The following INPP4B variants were observed in gnomAD, a reference collection of about 807,000 sequenced individuals.
The protein encoded by INPP4B is inositol polyphosphate 4-phosphatase type II.
A neutral mutation model predicts 122.5 loss-of-function variants in INPP4B; 55 were observed. The ratio of observed to expected loss-of-function variants is 0.45; its 90% CI spans 0.36 to 0.56. The LOEUF (loss-of-function observed/expected upper bound fraction) is 0.56. Ranked by LOEUF, INPP4B falls within the 20% of genes least tolerant of loss-of-function variation. The probability of loss-of-function intolerance (pLI) is 0.00; values close to 1 mark genes in which losing one functional copy is unlikely to be tolerated. For missense variants in INPP4B, 1,000 were observed against 1,097.7 expected (o/e 0.91, Z 1.26); for synonymous variants, 403 against 388.7 (o/e 1.04, Z -0.43).
chr4:142,029,303 C>CT, intron 25 of INPP4B: 1 of 985,762 alleles, frequency 1.0e-6, no homozygotes. Context: ...GATGCAGGTT[C>CT]TAGAAATAAG....
At chr4:142,627,870 T>C (rs1746868779) in intron 2 of INPP4B, among the ~76,000 whole-genome samples, 1 of 151,924 alleles carries the variant, frequency 6.6e-6, no homozygotes, top group Non-Finnish European at 1.5e-5. Flanking sequence ...CGGCTGTGAA[T>C]CCATCTGGTC....
At chr4:142,557,993 G>C (rs1729593582) in intron 2 of INPP4B, among the ~76,000 whole-genome samples, 1 of 152,184 alleles carries the variant, frequency 6.6e-6, no homozygotes, top group Non-Finnish European at 1.5e-5. Context: ...CTCACTCCTA[G>C]TTCTATATCT....
At chr4:142,292,109 C>T (rs566092893) in intron 9 of INPP4B, among the ~76,000 whole-genome samples, 1 of 152,224 alleles carries the variant, frequency 6.6e-6, no homozygotes, top group South Asian at 2.1e-4. Context: ...GGAGAAATGA[C>T]ATGAAAGAAA....
intron 2 of INPP4B, among the ~76,000 whole-genome samples, chr4:142,635,743 A>C (rs1217914654): frequency 6.6e-6 from 1 of 152,138 alleles, no homozygotes; most frequent in Non-Finnish European, 1.5e-5. Flanking sequence ...CAGTAGAAAA[A>C]ATAACTAATG....
chr4:142,774,383 C>G (rs1157510105), intron 1 of INPP4B, among the ~76,000 whole-genome samples: 1 of 152,038 alleles, frequency 6.6e-6, no homozygotes, highest in Admixed American at 6.6e-5. Context: ...CAATCCTCTC[C>G]AAAGGCAGGT....
chr4:142,270,543 T>C, intron 10 of INPP4B, 120 bp downstream of exon 10: 1 of 696,170 alleles, frequency 1.4e-6, no homozygotes, highest in Non-Finnish European at 2.6e-6. Context: ...TCAGAGCTGT[T>C]GTCCCATTTA....
At chr4:142,279,664 A>G (rs1361858829) in intron 9 of INPP4B, among the ~76,000 whole-genome samples, 1 of 151,912 alleles carries the variant, frequency 6.6e-6, no homozygotes, top group Non-Finnish European at 1.5e-5. Flanking sequence ...CCAGGAAAAA[A>G]TTTCTGTGAA....
intron 5 of INPP4B, among the ~76,000 whole-genome samples, chr4:142,407,549 C>T (rs543766168): frequency 2.6e-5 from 4 of 152,124 alleles, no homozygotes; most frequent in African/African-American, 9.7e-5. Context: ...TTCCCTAATA[C>T]TGATAAAAAT....
rs1736593479 is a variant in INPP4B, at chr4:142,024,993, T to C, written c.*3789A>G. ...GAAGGTAAAAACCAAAACATTTATA[T>C]AACCAAAATTATAGCCATCTGAAGA... On this transcript the variant is annotated 3_prime_UTR_variant, in exon 26 of 26. Coordinates refer to ENST00000262992, the MANE Select transcript of INPP4B (RefSeq NM_001101669.3). 1 of 152,166 alleles carries C rather than the reference T, an allele frequency of 6.6e-6. No homozygotes were observed. The allele number at this position is 152,166 out of a possible 1,614,324, so 9.4% of individuals were successfully genotyped here. A position where few individuals can be genotyped will look rare whatever the true frequency, so the allele number is the denominator to read the frequency against.
At chr4:142,294,471 T>G (rs1252786200) in intron 9 of INPP4B, among the ~76,000 whole-genome samples, 1 of 151,938 alleles carries the variant, frequency 6.6e-6, no homozygotes, top group Admixed American at 6.6e-5. Flanking sequence ...CGAGTAAATT[T>G]GGAGAATACC....
chr4:142,692,913 C>G (rs201081353), intron 2 of INPP4B, among the ~76,000 whole-genome samples: 3 of 52,494 alleles, frequency 5.7e-5, no homozygotes, highest in Non-Finnish European at 1.2e-4. Context: ...AGGCTAGTCT[C>G]TATAGATAGA....
intron 2 of INPP4B, among the ~76,000 whole-genome samples, chr4:142,638,451 T>C (rs751070489): frequency 2.6e-5 from 4 of 152,214 alleles, no homozygotes; most frequent in African/African-American, 4.8e-5. Flanking sequence ...CTTTGATCCA[T>C]TGTATTGCCT....
At chr4:142,448,762 A>G (rs999539262) in intron 3 of INPP4B, among the ~76,000 whole-genome samples, 3 of 152,198 alleles carry the variant, frequency 2.0e-5, no homozygotes, top group Non-Finnish European at 4.4e-5. Flanking sequence ...CCTGTGCCCA[A>G]TAACAGGAAT....
intron 2 of INPP4B, among the ~76,000 whole-genome samples, chr4:142,524,744 A>G (rs750831833): frequency 0.033 from 5,010 of 151,586 alleles, 37 homozygotes; most frequent in Non-Finnish European, 0.05. Flanking sequence ...ATTTCAAAAT[A>G]ATAAGAGCTA....
At chr4:142,819,610 C>A (rs769211923) in intron 1 of INPP4B, among the ~76,000 whole-genome samples, 1 of 152,120 alleles carries the variant, frequency 6.6e-6, no homozygotes, top group Non-Finnish European at 1.5e-5. Flanking sequence ...ATCTGCATTC[C>A]TTTTCTCTCT....
intron 9 of INPP4B, among the ~76,000 whole-genome samples, chr4:142,288,672 G>A (rs889352584): frequency 2.0e-5 from 3 of 151,938 alleles, no homozygotes; most frequent in Admixed American, 6.6e-5. Flanking sequence ...CATTGTCCTC[G>A]CTTTATACAT....
rs117611700 is a variant in INPP4B at position 142,407,729 on chromosome 4, C to T, written c.137-2405G>A. ...GCAGCATGATATCCTGGAGAGAACC[C>T]GAGATCAGGCAGAATTCCTAAGCTG... On this transcript the variant is annotated intron_variant, in intron 5 of 25. Coordinates refer to ENST00000262992, the MANE Select transcript of INPP4B (RefSeq NM_001101669.3). Among the ~76,000 whole-genome samples the T allele has an allele frequency of 2.0e-3, 303 of 152,136 alleles. 8 individuals carry two copies. The East Asian group carries it at 0.051, about 25-fold the overall frequency.
chr4:142,510,621 T>C (rs2149863687), intron 2 of INPP4B, among the ~76,000 whole-genome samples: 1 of 152,352 alleles, frequency 6.6e-6, no homozygotes, highest in Non-Finnish European at 1.5e-5. Context: ...TGTAGAGTTC[T>C]ATTGCATTTT....
intron 2 of INPP4B, among the ~76,000 whole-genome samples, chr4:142,527,396 A>G (rs1471179777): frequency 6.6e-6 from 1 of 152,034 alleles, no homozygotes; most frequent in African/African-American, 2.4e-5. Context: ...TATTTACAAT[A>G]TATTTCTTGA....
Sources: gnomAD v4.1 joint callset for allele counts (sites outside exome capture counted in the v4.1 genomes callset) on GRCh38, gnomAD v4.1.1 for gene constraint, MANE v1.5 for transcripts, NCBI Gene and HGNC (gene_info 2026-07-23, HGNC 2026-07-21) for gene names.